Variants in GOLGA3 observed in about 807,000 individuals in gnomAD.
GOLGA3 encodes the protein golgin subfamily A member 3.
In GOLGA3, 75 loss-of-function variants were observed where a neutral mutation model predicts 169.4. That is an observed-to-expected ratio of 0.44 (90% confidence interval 0.37 to 0.54). The LOEUF (loss-of-function observed/expected upper bound fraction) is 0.54. GOLGA3 is among the 20% of genes least tolerant of loss of function. The pLI, the probability that GOLGA3 is intolerant of heterozygous loss-of-function variation, is 0.00. For synonymous variants in GOLGA3, 824 were observed against 822.4 expected (o/e 1.00, Z -0.03); for missense variants, 1,899 against 1,930.0 (o/e 0.98, Z 0.30).
intron 6 of GOLGA3, among the ~76,000 whole-genome samples, 164 bp downstream of exon 6, chr12:132,807,013 G>A (rs1371450618): frequency 3.3e-5 from 5 of 152,138 alleles, no homozygotes; most frequent in African/African-American, 1.2e-4. Flanking sequence ...TCTTTCTAAG[G>A]CTGACAAGTA....
At chr12:132,827,592 T>TA (rs1950475284) in intron 1 of GOLGA3, 1 of 152,204 alleles carries the variant, frequency 6.6e-6, no homozygotes, top group African/African-American at 2.4e-5. Flanking sequence ...AAAAGCCAAC[T>TA]GAAGGCATTC....
intron 2 of GOLGA3, among the ~76,000 whole-genome samples, chr12:132,819,883 T>A (rs1053437967): frequency 3.3e-5 from 5 of 151,754 alleles, no homozygotes; most frequent in Non-Finnish European, 5.9e-5. Context: ...AAAAAGTTTT[T>A]AAAATGAGCC....
intron 3 of GOLGA3, among the ~76,000 whole-genome samples, chr12:132,815,121 C>T (rs182585472): frequency 8.9e-4 from 136 of 152,328 alleles, no homozygotes; most frequent in African/African-American, 3.2e-3. Context: ...TGTAAATGTA[C>T]CATTATTAGT....
intron 23 of GOLGA3, among the ~76,000 whole-genome samples, chr12:132,773,901 G>A (rs563795004): frequency 1.3e-4 from 18 of 137,258 alleles, no homozygotes; most frequent in African/African-American, 5.1e-4. Context: ...AACCACAGAG[G>A]CTGTGCGAGT....
At chr12:132,778,997 GC>G (rs147902290) in intron 18 of GOLGA3, among the ~76,000 whole-genome samples, 14,772 of 152,258 alleles carry the variant, frequency 0.097, 923 homozygotes, top group South Asian at 0.14. Flanking sequence ...CCAGCAGCAG[GC>G]CCCAGGCCAG....
intron 18 of GOLGA3, among the ~76,000 whole-genome samples, chr12:132,780,098 C>T (rs2045499346): frequency 1.7e-5 from 2 of 119,892 alleles, no homozygotes; most frequent in Admixed American, 8.3e-5. Context: ...AGACATCACA[C>T]TTGCACGCAC....
At chr12:132,806,218 G>A (rs779086006) in intron 6 of GOLGA3, among the ~76,000 whole-genome samples, 9 of 152,224 alleles carry the variant, frequency 5.9e-5, no homozygotes, top group Non-Finnish European at 1.3e-4. Context: ...CGATCTTGGT[G>A]TGGATGCAAC....
chr12:132,777,656 A>G lies in GOLGA3; in HGVS notation c.3722+10T>C. 1.2e-6 allele frequency: 2 copies of G among 1,613,688 alleles called. No homozygotes were observed. Among genetic ancestry groups the G allele is most frequent in the Admixed American group, 1.7e-5 (1 of 60,000 alleles). On this transcript the variant is annotated intron_variant, in intron 19 of 23. Transcript: ENST00000450791. The surrounding 1 kb of genome is among the most constrained non-coding windows in gnomAD (Gnocchi z 4.7). ...CCATGTTTGAGGGCTGGCGGGGCCCAGGCACTCACTGAAGGTCGTCGGCCT... is the reference window on the plus strand; with the variant it reads ...CCATGTTTGAGGGCTGGCGGGGCCCGGGCACTCACTGAAGGTCGTCGGCCT...
intron 3 of GOLGA3, among the ~76,000 whole-genome samples, chr12:132,816,130 G>A (rs1290984463): frequency 1.3e-5 from 2 of 152,192 alleles, no homozygotes; most frequent in Non-Finnish European, 1.5e-5. Context: ...CCCAGGAGGC[G>A]GAGATTGCAG....
In GOLGA3 at chr12:132,796,009, A is replaced by G; in HGVS notation, c.2312T>C (p.Leu771Pro). The G allele has an allele frequency of 6.2e-7, 1 of 1,613,318 alleles. No homozygotes were observed. The highest frequency in any genetic ancestry group is 1.6e-4 in the Middle Eastern group (1 of 6,062). The change falls in exon 11 of 24, where the codon CTG becomes CCG. Residue 771 changes from leucine (L) to proline (P), a missense_variant. Transcript: ENST00000450791. ...CTCCAAGATGATCTTCTCGTTCTGC[A>G]GGAGGCAGATCGTGTCCTCCCTGGA... ...AASREDTICL[L>P]QNEKIILEAA...
At chr12:132,809,130 T>C (rs904585214) in intron 4 of GOLGA3, among the ~76,000 whole-genome samples, 2 of 152,338 alleles carry the variant, frequency 1.3e-5, no homozygotes, top group African/African-American at 2.4e-5. Flanking sequence ...CTTCCCTGCC[T>C]GGCAACCAAG....
In GOLGA3 at chr12:132,826,060, C is replaced by G. The variant is rs151287594; in HGVS notation, c.-184+2743G>C. 5 of 1,388,240 alleles carry G rather than the reference C, an allele frequency of 3.6e-6. No homozygotes were observed. The Admixed American group carries it at 6.7e-5, about 19-fold the overall frequency. The allele number at this position is 1,388,240 out of a possible 1,614,324, so 86.0% of individuals were successfully genotyped here. A position where few individuals can be genotyped will look rare whatever the true frequency, so the allele number is the denominator to read the frequency against. ...ACCTGTTCCCCTGCTTCAGGGACGT[C>G]CAGATCGGTGACATCGTCACAGTGG... On this transcript the variant is annotated intron_variant, in intron 1 of 23. Transcript: ENST00000450791.
chr12:132,786,547 G>A lies in GOLGA3; in HGVS notation c.2915C>T (p.Thr972Met), dbSNP rs373013382. The change falls in exon 15 of 24, where the codon ACG (threonine) becomes ATG (methionine). Residue 972 changes from threonine to methionine, a missense_variant. Physicochemically the swap from Thr to Met is moderately conservative, Grantham distance 81. Transcript: ENST00000450791. Reference sequence around the variant, plus strand: ...CCGCCTCATCTTCTGCTTCTGTTCCGTGATGGCCCTGGGGTGTCATGAGGG... The same window carrying A: ...CCGCCTCATCTTCTGCTTCTGTTCCATGATGGCCCTGGGGTGTCATGAGGG... ...ELQQEARKAI[T>M]EQKQKMRRLG... The A allele has an allele frequency of 1.4e-5, 22 of 1,613,262 alleles. No individual in the cohort carries two copies. The highest frequency in any genetic ancestry group is 5.5e-5 in the South Asian group (5 of 91,022).
At chr12:132,782,633 T>C (rs1016836107) in intron 16 of GOLGA3, 140 bp from the exon 17 acceptor site, 8 of 689,644 alleles carry the variant, frequency 1.2e-5, no homozygotes, top group African/African-American at 3.6e-5. Flanking sequence ...TCACAGCACA[T>C]TGGGAGGCCG....
intron 2 of GOLGA3, among the ~76,000 whole-genome samples, chr12:132,819,443 G>T (rs1333916407): frequency 6.6e-6 from 1 of 152,138 alleles, no homozygotes; most frequent in Non-Finnish European, 1.5e-5. Flanking sequence ...GCAGAAGAAT[G>T]GCGTGAACCC....
At position 132,807,118 on chromosome 12, in the gene GOLGA3, G is replaced by C. The variant is rs928030972; in HGVS notation, c.1290+59C>G. ...CTGTGAAACCTCGTACCCAACAGAG[G>C]AGCCACACATGCTTTCCGACTTCGC... On this transcript the variant is annotated intron_variant, in intron 6 of 23. Coordinates refer to ENST00000450791, the MANE Select transcript of GOLGA3 (RefSeq NM_001389683.1). The C allele has an allele frequency of 3.0e-6, 3 of 986,686 alleles. No homozygotes were observed. The African/African-American group carries it at 4.8e-5, about 16-fold the overall frequency. The allele number at this position is 986,686 out of a possible 1,614,324, so 61.1% of individuals were successfully genotyped here.
intron 16 of GOLGA3, among the ~76,000 whole-genome samples, chr12:132,782,875 CAAA>C (rs63295864): frequency 1.4e-4 from 14 of 102,128 alleles, no homozygotes; most frequent in Non-Finnish European, 1.4e-4. Flanking sequence ...GACTCTGTCT[CAAA>C]AAAAAAAAAA....
intron 18 of GOLGA3, among the ~76,000 whole-genome samples, chr12:132,780,079 CGT>C (rs1455172851): frequency 5.9e-5 from 8 of 136,298 alleles, no homozygotes; most frequent in South Asian, 2.4e-4. Context: ...CCCAGGCACA[CGT>C]GTGTGCAGAC....
At chr12:132,821,908 C>T in intron 2 of GOLGA3, 88 bp downstream of exon 2, 1 of 778,726 alleles carries the variant, frequency 1.3e-6, no homozygotes, top group Non-Finnish European at 2.1e-6. Context: ...TCACAGTGGT[C>T]TCAACGCCAC....
Sources: allele counts gnomAD v4.1 joint callset (sites outside exome capture counted in the v4.1 genomes callset), GRCh38; gene constraint gnomAD v4.1.1; non-coding constraint Gnocchi (gnomAD v3.1); transcripts MANE v1.5; gene names NCBI Gene and HGNC (gene_info 2026-07-23, HGNC 2026-07-21).